The following NEIL2 variants were observed in gnomAD, a reference collection of about 807,000 sequenced individuals.
NEIL2 encodes the protein endonuclease 8-like 2.
A neutral mutation model predicts 22.2 loss-of-function variants in NEIL2; 23 were observed. That is an observed-to-expected ratio of 1.04 (90% CI 0.75 to 1.47). NEIL2 has a LOEUF of 1.47. Among genes scored for constraint, NEIL2 ranks in the 40% most tolerant of loss-of-function variants. The pLI is 0.00. For synonymous variants in NEIL2, 229 were observed against 164.8 expected (o/e 1.39, Z -2.99); for missense variants, 583 against 404.7 (o/e 1.44, Z -3.78).
At position 11,785,943 on chromosome 8, in the gene NEIL2, C is replaced by G; in HGVS notation, c.689-20C>G. 6.2e-7 allele frequency: 1 copy of G among 1,611,334 alleles called. No individual in the cohort carries two copies. The stretch of plus-strand genomic sequence containing the variant: ...CATGTGTCCTTTGTCCTTCCCTTAC[C>G]TTCCCCCGCTTTATTTCAGGGAACA... On this transcript the variant is annotated intron_variant, in intron 4 of 4. Coordinates refer to ENST00000284503, the MANE Select transcript of NEIL2 (RefSeq NM_145043.4).
intron 4 of NEIL2, among the ~76,000 whole-genome samples, chr8:11,784,017 G>A (rs935485172): frequency 6.6e-6 from 1 of 151,882 alleles, no homozygotes; most frequent in African/African-American, 2.4e-5. Flanking sequence ...GCTAATTAGC[G>A]GGACTATGAC....
chr8:11,774,766 T>G (rs565621142), intron 2 of NEIL2, among the ~76,000 whole-genome samples: 1 of 152,284 alleles, frequency 6.6e-6, no homozygotes, highest in East Asian at 1.9e-4. Context: ...TGGGAGAAAT[T>G]GGCCAAAACG....
rs543431930 is a variant in NEIL2, at chr8:11,770,116, G to C, written c.-222G>C. ...AGCCCCCGGGCAGGGAGGGCCGGAG[G>C]GTGGGCGCGGCATCTTCAGCGACTC... On this transcript the variant is annotated 5_prime_UTR_variant, in exon 1 of 5. Transcript: ENST00000284503. The C allele has an allele frequency of 6.6e-6, 1 of 152,248 alleles. No homozygotes were observed. Among genetic ancestry groups the C allele is most frequent in the South Asian group, 2.1e-4 (1 of 4,824 alleles). The allele number at this position is 152,248 out of a possible 1,614,324, so 9.4% of individuals were successfully genotyped here.
chr8:11,778,680 G>T (rs775079060), intron 2 of NEIL2, among the ~76,000 whole-genome samples: 2 of 151,978 alleles, frequency 1.3e-5, no homozygotes, highest in African/African-American at 2.4e-5. Context: ...GCCCAGGCAT[G>T]GTGGCTCATG....
chr8:11,783,162 G>T (rs1250009667), intron 3 of NEIL2, 41 bp from the exon 4 acceptor site: 2 of 1,578,386 alleles, frequency 1.3e-6, no homozygotes, highest in Non-Finnish European at 1.7e-6. Flanking sequence ...TGACTATACT[G>T]TGGTAACGAT....
At position 11,779,794 on chromosome 8, in the gene NEIL2, A is replaced by G; in HGVS notation, c.335A>G (p.Glu112Gly). The change falls in exon 3 of 5, where the codon GAG (glutamate) becomes GGG (glycine). Residue 112 changes from glutamate (E) to glycine (G), a missense_variant. Transcript: ENST00000284503. ...TCTGCAGAGCTCGTCCCCCAGGGCG[A>G]GGATGATTCTGAGTATTTGGAGAGA... ...SRSAELVPQG[E>G]DDSEYLERDA... 1 of 1,613,922 alleles carries G rather than the reference A, an allele frequency of 6.2e-7. No individual in the cohort carries two copies. Among genetic ancestry groups the G allele is most frequent in the South Asian group, 1.1e-5 (1 of 91,082 alleles).
In NEIL2 at chr8:11,786,149, C is replaced by T; in HGVS notation, c.875C>T (p.Pro292Leu). 1 of 1,613,996 alleles carries T rather than the reference C, an allele frequency of 6.2e-7. No homozygotes were observed. The highest frequency in any genetic ancestry group is 1.7e-4 in the Middle Eastern group (1 of 5,982). Residue 292 changes from proline to leucine, a missense_variant, in exon 5 of 5, where the codon CCT (proline) becomes CTT (leucine). Transcript: ENST00000284503. ...CAGGTCTACCAGAAAGAACAGTGCC[C>T]TGCTGGCCACCAGGTCATGAAGGAG... ...HTQVYQKEQC[P>L]AGHQVMKEAF...
chr8:11,770,810 G>A (rs1342498212), intron 1 of NEIL2, among the ~76,000 whole-genome samples: 1 of 152,024 alleles, frequency 6.6e-6, no homozygotes, highest in Non-Finnish European at 1.5e-5. Context: ...CCTGCGTGGT[G>A]ATTAGAACAG....
chr8:11,785,857 C>A (rs974826689), intron 4 of NEIL2, 106 bp from the exon 5 acceptor site: 12 of 1,012,624 alleles, frequency 1.2e-5, no homozygotes, highest in East Asian at 4.7e-5. Flanking sequence ...CGTCTAGGGT[C>A]CCCCAGGACA....
intron 1 of NEIL2, among the ~76,000 whole-genome samples, 199 bp downstream of exon 1, chr8:11,770,534 T>A (rs2130415611): frequency 6.6e-6 from 1 of 152,330 alleles, no homozygotes; most frequent in Non-Finnish European, 1.5e-5. Context: ...TCTTAGATTT[T>A]AAAAGTATTC....
chr8:11,775,092 A>C (rs577828273), intron 2 of NEIL2, among the ~76,000 whole-genome samples: 1 of 152,204 alleles, frequency 6.6e-6, no homozygotes, highest in African/African-American at 2.4e-5. Flanking sequence ...CCCAGTGGGA[A>C]CTCTGCCTTG....
At chr8:11,781,388 G>C (rs1489920466) in intron 3 of NEIL2, among the ~76,000 whole-genome samples, 2 of 152,198 alleles carry the variant, frequency 1.3e-5, no homozygotes, top group African/African-American at 4.8e-5. Context: ...CCAGCAGCAA[G>C]AGGCTACTGC....
intron 2 of NEIL2, among the ~76,000 whole-genome samples, chr8:11,777,530 C>A (rs1387473935): frequency 6.6e-6 from 1 of 152,160 alleles, no homozygotes; most frequent in African/African-American, 2.4e-5. Flanking sequence ...AACGCTAACT[C>A]CCCCTTTCCT....
chr8:11,781,916 T>A (rs368911607), intron 3 of NEIL2, among the ~76,000 whole-genome samples: 3 of 151,768 alleles, frequency 2.0e-5, no homozygotes, highest in South Asian at 2.1e-4. Context: ...AAAATAAAAT[T>A]AACCGGGTGT....
chr8:11,786,275 G>A lies in NEIL2; in HGVS notation c.*2G>A, dbSNP rs1239698219. 6.2e-7 allele frequency: 1 copy of A among 1,610,396 alleles called. No homozygotes were observed. On this transcript the variant is annotated 3_prime_UTR_variant, in exon 5 of 5. Coordinates refer to ENST00000284503, the MANE Select transcript of NEIL2 (RefSeq NM_145043.4). ...CCAGAGCAGTGCCAGTTCTCCTAAG[G>A]AGCTGGTGGTGCTCCTCACGGAACC...
chr8:11,782,100 C>A (rs1804470753), intron 3 of NEIL2, among the ~76,000 whole-genome samples: 1 of 151,852 alleles, frequency 6.6e-6, no homozygotes. Flanking sequence ...TTTATATATC[C>A]TTTCTATATG....
intron 3 of NEIL2, among the ~76,000 whole-genome samples, chr8:11,782,123 G>A (rs1804477130): frequency 1.3e-5 from 2 of 151,890 alleles, no homozygotes; most frequent in African/African-American, 4.8e-5. Context: ...AAGGGTATAT[G>A]GAGTATTGAA....
chr8:11,783,119 T>G, intron 3 of NEIL2, 84 bp from the exon 4 acceptor site: 1 of 1,105,226 alleles, frequency 9.0e-7, no homozygotes, highest in Non-Finnish European at 1.4e-6. Context: ...GGGATGTGTG[T>G]ATGTGTGTAT....
chr8:11,771,335 A>T, intron 1 of NEIL2, 111 bp from the exon 2 acceptor site: 1 of 1,386,388 alleles, frequency 7.2e-7, no homozygotes, highest in Non-Finnish European at 1.0e-6. Context: ...GCTTGCTCTT[A>T]AAGTTAGTTG....
Sources: allele counts gnomAD v4.1 joint callset (sites outside exome capture counted in the v4.1 genomes callset), GRCh38; gene constraint gnomAD v4.1.1; transcripts MANE v1.5; gene names NCBI Gene and HGNC (gene_info 2026-07-23, HGNC 2026-07-21).